BASP1: variants seen among roughly 807,000 people sequenced by gnomAD.
BASP1 encodes brain acid soluble protein 1.
BASP1 carries 1 observed loss-of-function variant against 2.2 expected under a neutral mutation model. That is an observed-to-expected ratio of 0.46 (90% CI 0.16 to 2.17). BASP1 has a LOEUF of 2.17. Among genes scored for constraint, BASP1 ranks in the 30% most tolerant of loss-of-function variants. The pLI is 0.27. For missense variants in BASP1, 352 were observed against 327.2 expected (o/e 1.08, Z -0.58); for synonymous variants, 187 against 154.2 (o/e 1.21, Z -1.58).
intron 1 of BASP1, among the ~76,000 whole-genome samples, chr5:17,244,732 G>A (rs1310338381): frequency 5.0e-5 from 7 of 139,974 alleles, no homozygotes; most frequent in Middle Eastern, 3.9e-3. Context: ...TCGCTCTGTT[G>A]CCAGGCTGTA....
chr5:17,250,818 A>G lies in BASP1; in HGVS notation c.-9-24390A>G, dbSNP rs185788708. Among the ~76,000 whole-genome samples the G allele has an allele frequency of 9.3e-3, 1,412 of 152,134 alleles. 21 individuals carry two copies. The highest frequency in any genetic ancestry group is 0.011 in the Non-Finnish European group (759 of 67,988). ...ATGGGGTTTCACTGCGTTAGCCAGG[A>G]TGGTCTCGATCTACTGACCTCGTGA... On this transcript the variant is annotated intron_variant, in intron 1 of 1. Coordinates refer to ENST00000322611, the MANE Select transcript of BASP1 (RefSeq NM_006317.5).
chr5:17,276,008 A>ATCTCTCCTCTCTC lies in BASP1; in HGVS notation c.*117_*129dup. On this transcript the variant is annotated 3_prime_UTR_variant, in exon 2 of 2. Transcript: ENST00000322611. ...ATCTCCTCTCTCTCTCTCCTCTCCT[A>ATCTCTCCTCTCTC]TCTCTCCTCTCTCTCTCTCCTATAC... is the stretch of plus-strand genomic sequence containing the variant. 1.1e-6 allele frequency: 1 copy of ATCTCTCCTCTCTC among 916,974 alleles called. No homozygotes were observed. 56.8% of individuals were successfully genotyped at this position (916,974 alleles called of 1,614,324 possible).
rs115706749 is a variant in BASP1, at chr5:17,244,458, T to A, written c.-10+26648T>A. ...TTCTAGTTAGTAAACTCCACTAAGC[T>A]GAGGATCTGAGACTGGGCACGGCCA... is the stretch of plus-strand genomic sequence containing the variant. On this transcript the variant is annotated intron_variant, in intron 1 of 1. Coordinates refer to ENST00000322611, the MANE Select transcript of BASP1 (RefSeq NM_006317.5). Among the ~76,000 whole-genome samples the A allele has an allele frequency of 7.8e-3, 1,181 of 152,280 alleles. 15 individuals carry two copies. Among genetic ancestry groups the A allele is most frequent in the African/African-American group, 0.027 (1,108 of 41,552 alleles).
chr5:17,223,470 C>T (rs1260838215), intron 1 of BASP1, among the ~76,000 whole-genome samples: 1 of 152,142 alleles, frequency 6.6e-6, no homozygotes, highest in African/African-American at 2.4e-5. Context: ...GCAAGACAGG[C>T]CAATGGTGGT....
At chr5:17,232,259 C>T (rs1739646616) in intron 1 of BASP1, among the ~76,000 whole-genome samples, 8 of 152,248 alleles carry the variant, frequency 5.3e-5, no homozygotes. Context: ...TGTGGTTACA[C>T]TCCTCGTCTG....
chr5:17,258,703 G>A (rs868807464), intron 1 of BASP1, among the ~76,000 whole-genome samples: 12 of 152,162 alleles, frequency 7.9e-5, no homozygotes, highest in African/African-American at 1.7e-4. Context: ...GAAATGCATC[G>A]TCTCTGGAAT....
intron 1 of BASP1, among the ~76,000 whole-genome samples, chr5:17,231,794 G>A (rs570409172): frequency 6.6e-6 from 1 of 152,316 alleles, no homozygotes; most frequent in African/African-American, 2.4e-5. Context: ...CCAGGAGGCA[G>A]GGATGTGTCT....
upstream of BASP1, chr5:17,217,085 AGAGAGAGAGAGT>A (rs1383768093): frequency 1.4e-5 from 2 of 141,276 alleles, no homozygotes; most frequent in Non-Finnish European, 3.0e-5. Context: ...AGAGAGAGAG[AGAGAGAGAGAGT>A]GAGTGAGAGA....
At chr5:17,231,826 G>A (rs1479311063) in intron 1 of BASP1, among the ~76,000 whole-genome samples, 1 of 152,160 alleles carries the variant, frequency 6.6e-6, no homozygotes, top group Non-Finnish European at 1.5e-5. Context: ...CCATAACAGT[G>A]CCCTATAACA....
intron 1 of BASP1, among the ~76,000 whole-genome samples, chr5:17,234,618 A>G (rs1739706102): frequency 6.6e-6 from 1 of 152,256 alleles, no homozygotes; most frequent in Non-Finnish European, 1.5e-5. Flanking sequence ...CATACAAACC[A>G]CACTAAAATA....
At chr5:17,261,825 C>T (rs1226573267) in intron 1 of BASP1, among the ~76,000 whole-genome samples, 2 of 152,196 alleles carry the variant, frequency 1.3e-5, no homozygotes, top group Non-Finnish European at 2.9e-5. Flanking sequence ...GCCAAAATTG[C>T]ACGTTTCTGC....
chr5:17,223,895 T>C (rs942006100), intron 1 of BASP1, among the ~76,000 whole-genome samples: 3 of 152,144 alleles, frequency 2.0e-5, no homozygotes, highest in African/African-American at 7.2e-5. Flanking sequence ...TCCCACTACC[T>C]CCACCCTGCC....
rs1739285765 is a variant in BASP1 at position 17,217,649 on chromosome 5, G to C, written c.-171G>C. ...CGGCGGCAGTAGCGGCAGCGGCGAC[G>C]ACGGCGGCGGCAGCGCTCCAACTGG... On this transcript the variant is annotated 5_prime_UTR_variant, in exon 1 of 2. Transcript: ENST00000322611. 6.4e-6 allele frequency: 1 copy of C among 157,432 alleles called. No individual in the cohort carries two copies. Among genetic ancestry groups the C allele is most frequent in the African/African-American group, 2.4e-5 (1 of 41,436 alleles). 9.8% of individuals were successfully genotyped at this position (157,432 alleles called of 1,614,324 possible). A position where few individuals can be genotyped will look rare whatever the true frequency, so the allele number is the denominator to read the frequency against.
At chr5:17,240,408 C>T (rs1412000179) in intron 1 of BASP1, among the ~76,000 whole-genome samples, 1 of 152,074 alleles carries the variant, frequency 6.6e-6, no homozygotes, top group Non-Finnish European at 1.5e-5. Flanking sequence ...TGGTGGCGGG[C>T]ACCTGTGATT....
In BASP1 at chr5:17,229,014, T is replaced by C. The variant is rs560175093; in HGVS notation, c.-10+11204T>C. On this transcript the variant is annotated intron_variant, in intron 1 of 1. Coordinates refer to ENST00000322611, the MANE Select transcript of BASP1 (RefSeq NM_006317.5). The stretch of plus-strand genomic sequence containing the variant: ...GTGAGAATTCAGAGATGTATACCTA[T>C]TAAAAAAAAAACAAAACTCTTAGGA... Among the ~76,000 whole-genome samples the C allele has an allele frequency of 1.5e-4, 23 of 151,996 alleles. 1 individual carries two copies. The South Asian group carries it at 4.8e-3, about 32-fold the overall frequency.
In BASP1 at chr5:17,275,418, G is replaced by A. The variant is rs765155345; in HGVS notation, c.202G>A (p.Glu68Lys). Residue 68 changes from glutamate to lysine, a missense_variant, in exon 2 of 2, where the codon GAG (glutamate) becomes AAG (lysine). Transcript: ENST00000322611. The surrounding 1 kb of genome is among the most constrained non-coding windows in gnomAD (Gnocchi z 5.3). ...PDQDAEGKAE[E>K]KEGEKDAAAA... The stretch of plus-strand genomic sequence containing the variant: ...CCAGGACGCCGAGGGCAAGGCCGAG[G>A]AGAAGGAGGGCGAGAAGGACGCGGC... The A allele has an allele frequency of 6.4e-7, 1 of 1,552,496 alleles. No individual in the cohort carries two copies. The highest frequency in any genetic ancestry group is 1.2e-5 in the South Asian group (1 of 84,952).
At chr5:17,218,697 C>T (rs905654388) in intron 1 of BASP1, among the ~76,000 whole-genome samples, 2 of 152,108 alleles carry the variant, frequency 1.3e-5, no homozygotes, top group African/African-American at 4.8e-5. Flanking sequence ...CAGCTTTTGC[C>T]CAAAGCGCTA....
intron 1 of BASP1, among the ~76,000 whole-genome samples, chr5:17,267,581 C>T (rs570436847): frequency 3.4e-4 from 52 of 151,318 alleles, no homozygotes; most frequent in Non-Finnish European, 2.1e-4. Flanking sequence ...TGCGGTGGCA[C>T]GATCTCATCC....
chr5:17,274,289 C>T (rs1740583905), intron 1 of BASP1, among the ~76,000 whole-genome samples: 3 of 152,134 alleles, frequency 2.0e-5, no homozygotes, highest in Non-Finnish European at 2.9e-5. Context: ...ATGTCAGACA[C>T]AGCCAGCAAG....
Sources: gnomAD v4.1 joint callset for allele counts (sites outside exome capture counted in the v4.1 genomes callset) on GRCh38, gnomAD v4.1.1 for gene constraint, Gnocchi (gnomAD v3.1) non-coding constraint, MANE v1.5 for transcripts, NCBI Gene and HGNC (gene_info 2026-07-23, HGNC 2026-07-21) for gene names.